The following DOCK3 variants were observed in gnomAD, a reference collection of about 807,000 sequenced individuals.
The protein encoded by DOCK3 is dedicator of cytokinesis 3.
DOCK3 carries 60 observed loss-of-function variants against 265.6 expected under a neutral mutation model. That is an observed-to-expected ratio of 0.23 (90% CI 0.18 to 0.28). DOCK3 has a LOEUF of 0.28. DOCK3 is among the 10% of genes least tolerant of loss of function. The pLI is 1.00. For missense variants in DOCK3, 1,981 were observed against 2,594.3 expected (o/e 0.76, Z 5.14); for synonymous variants, 881 against 938.0 (o/e 0.94, Z 1.11).
chr3:51,041,914 C>A (rs1175536494), intron 5 of DOCK3, among the ~76,000 whole-genome samples: 1 of 152,168 alleles, frequency 6.6e-6, no homozygotes, highest in Non-Finnish European at 1.5e-5. Flanking sequence ...AGAGAGCCAG[C>A]TTGTCCTTTG....
chr3:50,807,595 A>G (rs1165627752), intron 2 of DOCK3, among the ~76,000 whole-genome samples: 1 of 152,226 alleles, frequency 6.6e-6, no homozygotes, highest in Non-Finnish European at 1.5e-5. Flanking sequence ...AGTACTAGCT[A>G]GTATATACAG....
intron 4 of DOCK3, among the ~76,000 whole-genome samples, chr3:50,928,898 G>C (rs2050912047): frequency 6.6e-6 from 1 of 152,084 alleles, no homozygotes; most frequent in Non-Finnish European, 1.5e-5. Context: ...TGTCAGTACA[G>C]TGTTCAACAA....
At chr3:51,296,468 T>G (rs1367245377) in intron 27 of DOCK3, among the ~76,000 whole-genome samples, 3 of 151,824 alleles carry the variant, frequency 2.0e-5, no homozygotes, top group Non-Finnish European at 4.4e-5. Flanking sequence ...AATAAACTCT[T>G]ACTTAAATTG....
chr3:50,918,399 C>G (rs1239311955), intron 4 of DOCK3, among the ~76,000 whole-genome samples: 1 of 152,154 alleles, frequency 6.6e-6, no homozygotes, highest in Non-Finnish European at 1.5e-5. Flanking sequence ...GTTCCTATTT[C>G]TCCACATCCT....
chr3:51,351,865 C>G (rs903121775), intron 40 of DOCK3, among the ~76,000 whole-genome samples: 1 of 152,114 alleles, frequency 6.6e-6, no homozygotes, highest in Non-Finnish European at 1.5e-5. Context: ...CCATGTTGGT[C>G]AGGCTGGTCT....
chr3:51,261,470 A>G (rs1213227642), intron 23 of DOCK3, among the ~76,000 whole-genome samples: 2 of 152,116 alleles, frequency 1.3e-5, no homozygotes, highest in Admixed American at 6.5e-5. Flanking sequence ...TGGGTTTCAA[A>G]CAGAAAACTG....
chr3:50,842,739 G>T (rs2107276262), intron 3 of DOCK3, among the ~76,000 whole-genome samples: 1 of 152,100 alleles, frequency 6.6e-6, no homozygotes, highest in Admixed American at 6.5e-5. Context: ...ACTGCTTATA[G>T]GTAATTTTTC....
At chr3:50,919,874 T>C (rs1210986147) in intron 4 of DOCK3, among the ~76,000 whole-genome samples, 1 of 152,340 alleles carries the variant, frequency 6.6e-6, no homozygotes, top group South Asian at 2.1e-4. Flanking sequence ...CAGTAAGATA[T>C]TGGCTGTGGG....
rs1450479905 is a variant in DOCK3, at chr3:51,201,775, A to G, written c.1038-6999A>G. Among the ~76,000 whole-genome samples, 7 of 152,186 alleles carry G rather than the reference A, an allele frequency of 4.6e-5. No individual in the cohort carries two copies. In the East Asian group the frequency reaches 1.3e-3, roughly 29 times the overall value. ...AAAATTGACCACATAGTTGGAAGAA[A>G]AGCACTCCTCAGCAAATGTAAAAGA... On this transcript the variant is annotated intron_variant, in intron 12 of 52. Transcript: ENST00000266037.
chr3:51,152,931 C>T (rs1384642953), intron 10 of DOCK3, among the ~76,000 whole-genome samples: 1 of 152,208 alleles, frequency 6.6e-6, no homozygotes, highest in Non-Finnish European at 1.5e-5. Flanking sequence ...TGGGAGGTGT[C>T]TCCCAGTTAG....
intron 5 of DOCK3, among the ~76,000 whole-genome samples, chr3:51,027,715 G>T (rs1367196900): frequency 6.6e-6 from 1 of 151,780 alleles, no homozygotes; most frequent in Non-Finnish European, 1.5e-5. Context: ...CCTTTTTATT[G>T]TCTTTGGTTT....
At chr3:51,249,121 C>G (rs1456471916) in intron 22 of DOCK3, among the ~76,000 whole-genome samples, 2 of 150,444 alleles carry the variant, frequency 1.3e-5, no homozygotes, top group Non-Finnish European at 3.0e-5. Context: ...AGCCCCCCGC[C>G]AGGCCAGCCG....
At chr3:50,919,896 T>C (rs1469485795) in intron 4 of DOCK3, among the ~76,000 whole-genome samples, 1 of 152,212 alleles carries the variant, frequency 6.6e-6, no homozygotes, top group Non-Finnish European at 1.5e-5. Context: ...TTGTCATAAA[T>C]AGCTCTTATT....
At chr3:50,766,528 G>A (rs1196986893) in intron 1 of DOCK3, among the ~76,000 whole-genome samples, 3 of 152,048 alleles carry the variant, frequency 2.0e-5, no homozygotes, top group Non-Finnish European at 4.4e-5. Context: ...ATCATTGATG[G>A]ACATTTTGGT....
At chr3:50,913,707 G>T (rs1298941797) in intron 4 of DOCK3, among the ~76,000 whole-genome samples, 5 of 152,042 alleles carry the variant, frequency 3.3e-5, no homozygotes, top group African/African-American at 9.7e-5. Context: ...TTTCATCTGT[G>T]TTGTTTTTGT....
chr3:51,039,714 C>T (rs1387179832), intron 5 of DOCK3, among the ~76,000 whole-genome samples: 1 of 151,914 alleles, frequency 6.6e-6, no homozygotes, highest in African/African-American at 2.4e-5. Flanking sequence ...TTAGATCTCT[C>T]ATTGTCAGTT....
Position 51,070,433 on chromosome 3 carries a change from G to A in DOCK3, c.465-4923G>A, listed in dbSNP as rs1174525480. ...AAGCCCAGCTCAACTCCTTTAACAG[G>A]CCACTTAGTTAACCTCAGTGGGCCT... is the stretch of plus-strand genomic sequence containing the variant. On this transcript the variant is annotated intron_variant, in intron 6 of 52. Coordinates refer to ENST00000266037, the MANE Select transcript of DOCK3 (RefSeq NM_004947.5). Among the ~76,000 whole-genome samples, 3 of 152,068 alleles carry A rather than the reference G, an allele frequency of 2.0e-5. No homozygotes were observed. In the South Asian group the frequency reaches 6.2e-4, roughly 32 times the overall value.
At chr3:50,835,548 TGTATTA>T (rs1393602285) in intron 2 of DOCK3, among the ~76,000 whole-genome samples, 1 of 152,220 alleles carries the variant, frequency 6.6e-6, no homozygotes, top group Non-Finnish European at 1.5e-5. Flanking sequence ...TAGGGCAGCC[TGTATTA>T]AAGCCTCATA....
chr3:51,038,790 A>G (rs978404811), intron 5 of DOCK3, among the ~76,000 whole-genome samples: 2 of 151,902 alleles, frequency 1.3e-5, no homozygotes, highest in South Asian at 2.1e-4. Context: ...TTATTTGTAT[A>G]TGGCTGTTTT....
Sources: allele counts gnomAD v4.1 joint callset (sites outside exome capture counted in the v4.1 genomes callset), GRCh38; gene constraint gnomAD v4.1.1; transcripts MANE v1.5; gene names NCBI Gene and HGNC (gene_info 2026-07-23, HGNC 2026-07-21).